The following HPSE2 variants were observed in gnomAD, a reference collection of about 807,000 sequenced individuals.
HPSE2 encodes heparanase 2 (inactive).
A neutral mutation model predicts 60.5 loss-of-function variants in HPSE2; 38 were observed. That is an observed-to-expected ratio of 0.63 (90% CI 0.48 to 0.82). The LOEUF is 0.82. HPSE2 is among the 40% of genes least tolerant of loss of function. The pLI is 0.00. For synonymous variants in HPSE2, 295 were observed against 293.2 expected (o/e 1.01, Z -0.06); for missense variants, 713 against 740.4 (o/e 0.96, Z 0.43).
rs560394244 is a variant in HPSE2 at position 99,121,015 on chromosome 10, T to C, written c.610+23223A>G. On this transcript the variant is annotated intron_variant, in intron 3 of 11. Transcript: ENST00000370552. ...ACAGACACATACATGCGTATGTTCA[T>C]TGCAGCACTATTTACAATAGCAAAA... Among the ~76,000 whole-genome samples the C allele has an allele frequency of 1.7e-4, 26 of 152,314 alleles. No individual in the cohort carries two copies. The South Asian group carries it at 3.5e-3, about 21-fold the overall frequency.
chr10:99,125,553 C>T (rs1564827172), intron 3 of HPSE2, among the ~76,000 whole-genome samples: 1 of 152,156 alleles, frequency 6.6e-6, no homozygotes, highest in Non-Finnish European at 1.5e-5. Flanking sequence ...ACCATGGGAA[C>T]GTACTAGGAA....
At chr10:99,248,749 G>A in the HPSE2 span, among the ~76,000 whole-genome samples, 14 of 152,328 alleles carry the variant, frequency 9.2e-5, no homozygotes, top group South Asian at 2.9e-3. Context: ...CAAGGCCTAG[G>A]AGGGAAGAAT....
chr10:98,747,679 A>C (rs1242139775), intron 3 of HPSE2, among the ~76,000 whole-genome samples: 2 of 152,188 alleles, frequency 1.3e-5, no homozygotes, highest in Admixed American at 6.5e-5. Flanking sequence ...CAACCTCCCG[A>C]AAGTGATTTC....
At chr10:98,633,602 A>G (rs1333481471) in intron 7 of HPSE2, among the ~76,000 whole-genome samples, 1 of 152,202 alleles carries the variant, frequency 6.6e-6, no homozygotes, top group East Asian at 1.9e-4. Flanking sequence ...AAATATGTTT[A>G]TCAGTTAGGC....
intron 3 of HPSE2, among the ~76,000 whole-genome samples, chr10:98,825,841 A>G (rs1034253670): frequency 6.6e-6 from 1 of 152,214 alleles, no homozygotes; most frequent in Non-Finnish European, 1.5e-5. Context: ...TTGTCATTGG[A>G]CATGGTCATG....
chr10:98,606,834 T>C (rs1361777055), intron 9 of HPSE2, among the ~76,000 whole-genome samples: 3 of 152,162 alleles, frequency 2.0e-5, no homozygotes, highest in Non-Finnish European at 2.9e-5. Flanking sequence ...CATAATTGAG[T>C]TAGAAAAAAA....
chr10:99,235,101 T>TAC (rs10630273), intron 1 of HPSE2, among the ~76,000 whole-genome samples: 88,383 of 147,400 alleles, frequency 0.6, 26,957 homozygotes, highest in Non-Finnish European at 0.69. Flanking sequence ...CTGTCTCACA[T>TAC]ACACACACAC....
At chr10:98,591,114 T>C (rs1375767797) in intron 9 of HPSE2, among the ~76,000 whole-genome samples, 1 of 79,136 alleles carries the variant, frequency 1.3e-5, no homozygotes, top group African/African-American at 3.2e-5. Context: ...GGAAGAACGG[T>C]GAAATAGGGA....
intron 9 of HPSE2, among the ~76,000 whole-genome samples, chr10:98,523,768 A>G (rs1404432645): frequency 1.3e-5 from 2 of 152,172 alleles, no homozygotes; most frequent in African/African-American, 4.8e-5. Flanking sequence ...TATGATTAGG[A>G]ATTAAAGTCT....
In HPSE2 at chr10:98,527,115, C is replaced by G. The variant is rs145383458; in HGVS notation, c.1321-36919G>C. Among the ~76,000 whole-genome samples, 597 of 152,154 alleles carry G rather than the reference C, an allele frequency of 3.9e-3. 3 individuals carry two copies. Among genetic ancestry groups the G allele is most frequent in the African/African-American group, 0.014 (572 of 41,498 alleles). ...CATCCACATGTCCTTTAATTTCTACCTCCTGATATCTTTCATCTGTCCCCT... is the reference window on the plus strand; with the variant it reads ...CATCCACATGTCCTTTAATTTCTACGTCCTGATATCTTTCATCTGTCCCCT... On this transcript the variant is annotated intron_variant, in intron 9 of 11. Coordinates refer to ENST00000370552, the MANE Select transcript of HPSE2 (RefSeq NM_021828.5).
chr10:99,043,114 G>A (rs372634645), intron 3 of HPSE2, among the ~76,000 whole-genome samples: 14 of 152,228 alleles, frequency 9.2e-5, no homozygotes, highest in East Asian at 7.7e-4. Flanking sequence ...AAAAATCAGC[G>A]TAAGAACTCT....
chr10:98,833,332 T>C (rs904393980), intron 3 of HPSE2, among the ~76,000 whole-genome samples: 10 of 152,126 alleles, frequency 6.6e-5, no homozygotes, highest in Non-Finnish European at 2.9e-5. Context: ...CACTAAAGGA[T>C]TGGTTTAGAG....
At chr10:98,998,636 C>T (rs1195285848) in intron 3 of HPSE2, among the ~76,000 whole-genome samples, 1 of 152,206 alleles carries the variant, frequency 6.6e-6, no homozygotes, top group Non-Finnish European at 1.5e-5. Context: ...AACCAGATCA[C>T]TCAGTCCTCC....
chr10:98,647,942 G>A (rs1001352471), intron 6 of HPSE2, among the ~76,000 whole-genome samples: 2 of 152,178 alleles, frequency 1.3e-5, no homozygotes, highest in African/African-American at 4.8e-5. Flanking sequence ...CTACTAAAGG[G>A]ACATAGTTCA....
rs192547081 is a variant in HPSE2, at chr10:98,811,700, T to C, written c.611-67644A>G. Among the ~76,000 whole-genome samples, 532 of 152,274 alleles carry C rather than the reference T, an allele frequency of 3.5e-3. 5 individuals are homozygous for C. Among genetic ancestry groups the C allele is most frequent in the African/African-American group, 0.012 (498 of 41,574 alleles). On this transcript the variant is annotated intron_variant, in intron 3 of 11. Transcript: ENST00000370552. ...GTAGATATTAGAATAAACTTGTTGATTTTGACCAAAAAAATCCTTCTGGAT... is the reference window on the plus strand; with the variant it reads ...GTAGATATTAGAATAAACTTGTTGACTTTGACCAAAAAAATCCTTCTGGAT...
intron 3 of HPSE2, among the ~76,000 whole-genome samples, chr10:98,772,985 T>A (rs915450186): frequency 1.3e-5 from 2 of 152,146 alleles, no homozygotes; most frequent in African/African-American, 4.8e-5. Context: ...TTATGATTGA[T>A]TAGGAAGGAC....
chr10:98,965,459 T>C (rs150456971), intron 3 of HPSE2, among the ~76,000 whole-genome samples: 1 of 151,780 alleles, frequency 6.6e-6, no homozygotes, highest in Non-Finnish European at 1.5e-5. Context: ...ACAACTGACA[T>C]GCATGACACA....
chr10:99,220,847 G>A (rs377171299), intron 2 of HPSE2, among the ~76,000 whole-genome samples: 4,666 of 132,930 alleles, frequency 0.035, 256 homozygotes, highest in African/African-American at 0.11. Context: ...ATGAAGGGAG[G>A]CTTTCACTTT....
chr10:98,510,474 G>A (rs1476712054), intron 9 of HPSE2, among the ~76,000 whole-genome samples: 1 of 152,212 alleles, frequency 6.6e-6, no homozygotes, highest in Non-Finnish European at 1.5e-5. Context: ...CAAACCAGTA[G>A]AGTGTGCACT....
Sources: allele counts gnomAD v4.1 joint callset (sites outside exome capture counted in the v4.1 genomes callset), GRCh38; gene constraint gnomAD v4.1.1; transcripts MANE v1.5; gene names NCBI Gene and HGNC (gene_info 2026-07-23, HGNC 2026-07-21).